CDH13: variants seen among roughly 807,000 people sequenced by gnomAD.
CDH13 encodes the protein cadherin 13.
A neutral mutation model predicts 63.8 loss-of-function variants in CDH13; 24 were observed. The ratio of observed to expected loss-of-function variants is 0.38; its 90% CI spans 0.27 to 0.53. The LOEUF is 0.53. Among genes scored for constraint, CDH13 ranks in the 20% least tolerant of loss-of-function variants. The pLI is 0.85. For synonymous variants in CDH13, 503 were observed against 355.3 expected (o/e 1.42, Z -4.67); for missense variants, 1,049 against 903.1 (o/e 1.16, Z -2.07).
intron 6 of CDH13, among the ~76,000 whole-genome samples, chr16:83,399,721 G>A (rs917029397): frequency 6.6e-6 from 1 of 152,138 alleles, no homozygotes; most frequent in Non-Finnish European, 1.5e-5. Flanking sequence ...CCACCATGTT[G>A]TGAGGAAGCC....
intron 3 of CDH13, among the ~76,000 whole-genome samples, chr16:83,119,536 T>G (rs931679008): frequency 2.6e-5 from 4 of 152,196 alleles, no homozygotes; most frequent in Non-Finnish European, 5.9e-5. Flanking sequence ...TTTACGCTGA[T>G]CTTCAGTTCT....
intron 4 of CDH13, among the ~76,000 whole-genome samples, chr16:83,201,689 A>G (rs899742659): frequency 6.6e-6 from 1 of 151,892 alleles, no homozygotes; most frequent in African/African-American, 2.4e-5. Flanking sequence ...CGAGGTCAGG[A>G]GATCGAGACC....
At chr16:82,719,876 T>G (rs1186900344) in intron 1 of CDH13, among the ~76,000 whole-genome samples, 1 of 149,406 alleles carries the variant, frequency 6.7e-6, no homozygotes, top group African/African-American at 2.4e-5. Flanking sequence ...AAGGTCTTAC[T>G]GTACCATATG....
chr16:83,056,196 A>G (rs1381562839), intron 3 of CDH13, among the ~76,000 whole-genome samples: 1 of 152,226 alleles, frequency 6.6e-6, no homozygotes, highest in Non-Finnish European at 1.5e-5. Flanking sequence ...ATTAATTAGA[A>G]TTTAAAAAGT....
intron 7 of CDH13, among the ~76,000 whole-genome samples, chr16:83,554,883 C>G (rs575252880): frequency 6.6e-6 from 1 of 151,698 alleles, no homozygotes; most frequent in Non-Finnish European, 1.5e-5. Flanking sequence ...GTTACTGCAG[C>G]ACATGTATTC....
At chr16:83,487,525 A>C (rs2073917811) in intron 7 of CDH13, among the ~76,000 whole-genome samples, 1 of 152,052 alleles carries the variant, frequency 6.6e-6, no homozygotes, top group Admixed American at 6.5e-5. Flanking sequence ...CCTGAGTTTG[A>C]GGTCCACCGT....
chr16:83,525,238 A>G (rs2074934524), intron 7 of CDH13, among the ~76,000 whole-genome samples: 1 of 152,170 alleles, frequency 6.6e-6, no homozygotes, highest in East Asian at 1.9e-4. Context: ...GAAGTCTAAG[A>G]CAGCTTCCAT....
At chr16:82,754,281 C>G (rs555406181) in intron 1 of CDH13, among the ~76,000 whole-genome samples, 1 of 152,258 alleles carries the variant, frequency 6.6e-6, no homozygotes, top group African/African-American at 2.4e-5. Context: ...CCTTGATGAT[C>G]ATTCCCACAT....
At chr16:83,668,063 G>A (rs113861002) in intron 8 of CDH13, among the ~76,000 whole-genome samples, 3 of 152,248 alleles carry the variant, frequency 2.0e-5, no homozygotes, top group South Asian at 4.1e-4. Context: ...AGCTCTGCTG[G>A]AGCACAGGGA....
intron 4 of CDH13, among the ~76,000 whole-genome samples, chr16:83,188,551 G>A (rs968271508): frequency 2.6e-5 from 4 of 152,088 alleles, no homozygotes; most frequent in African/African-American, 9.7e-5. Context: ...TCAGGGATTT[G>A]CTTAAAGCCC....
At chr16:83,261,624 C>A (rs771752802) in intron 5 of CDH13, among the ~76,000 whole-genome samples, 1 of 152,030 alleles carries the variant, frequency 6.6e-6, no homozygotes, top group Non-Finnish European at 1.5e-5. Flanking sequence ...AAGAAATTAT[C>A]CAGTACAAAT....
chr16:83,140,652 G>T (rs1206685730), intron 4 of CDH13, among the ~76,000 whole-genome samples: 2 of 152,016 alleles, frequency 1.3e-5, no homozygotes, highest in Admixed American at 1.3e-4. Context: ...AAGGGGTTTT[G>T]CCATGTTGGC....
At chr16:83,743,748 C>CCTTTT (rs1912280138) in intron 10 of CDH13, among the ~76,000 whole-genome samples, 6 of 76,258 alleles carry the variant, frequency 7.9e-5, no homozygotes, top group African/African-American at 2.8e-4. Flanking sequence ...TTTCTTTTTT[C>CCTTTT]TTTTTTTTTT....
chr16:83,547,623 G>A lies in CDH13; in HGVS notation c.961-54831G>A, dbSNP rs749738019. On this transcript the variant is annotated intron_variant, in intron 7 of 13. Coordinates refer to ENST00000567109, the MANE Select transcript of CDH13 (RefSeq NM_001257.5). ...CAGCTCCATCCATGTTCCTGCAAAG[G>A]ACATGATCTTTCTTTTTTATGGCTG... 3.3e-5 allele frequency among the ~76,000 whole-genome samples: 5 copies of A among 152,324 alleles called. No homozygotes were observed. In the East Asian group the frequency reaches 7.7e-4, roughly 23 times the overall value.
chr16:83,455,346 G>C (rs1004503768), intron 6 of CDH13, among the ~76,000 whole-genome samples: 10 of 152,174 alleles, frequency 6.6e-5, no homozygotes, highest in Non-Finnish European at 1.5e-4. Context: ...CTGTTTCTGA[G>C]CATCTAAAAT....
intron 10 of CDH13, among the ~76,000 whole-genome samples, chr16:83,717,635 C>G (rs1431636238): frequency 3.3e-5 from 5 of 152,252 alleles, no homozygotes. Flanking sequence ...GCTCCTTTCA[C>G]CTCTCACTGC....
At chr16:83,473,391 A>G (rs1266722731) in intron 6 of CDH13, among the ~76,000 whole-genome samples, 4 of 152,214 alleles carry the variant, frequency 2.6e-5, no homozygotes, top group African/African-American at 9.6e-5. Context: ...CCCGTTGAAC[A>G]CGGAGTCTGA....
intron 1 of CDH13, chr16:82,773,453 A>T (rs549868882): frequency 6.6e-6 from 1 of 152,340 alleles, no homozygotes; most frequent in Non-Finnish European, 1.5e-5. Flanking sequence ...CTGCAGGAGG[A>T]AATAATAGGT....
At chr16:82,787,527 C>A (rs898909312) in intron 1 of CDH13, among the ~76,000 whole-genome samples, 9 of 152,208 alleles carry the variant, frequency 5.9e-5, no homozygotes, top group Admixed American at 2.6e-4. Context: ...AATCAGAAAT[C>A]CATGAAAAAT....
Sources: gnomAD v4.1 joint callset for allele counts (sites outside exome capture counted in the v4.1 genomes callset) on GRCh38, gnomAD v4.1.1 for gene constraint, MANE v1.5 for transcripts, NCBI Gene and HGNC (gene_info 2026-07-23, HGNC 2026-07-21) for gene names.